Variants in KIF26B observed in about 807,000 individuals in gnomAD.
KIF26B encodes the protein kinesin family member 26B.
A neutral mutation model predicts 151.2 loss-of-function variants in KIF26B; 63 were observed. That is an observed-to-expected ratio of 0.42 (90% CI 0.34 to 0.51). The LOEUF (loss-of-function observed/expected upper bound fraction) is 0.51, where lower values mean the gene tolerates loss of function less well. Among genes scored for constraint, KIF26B ranks in the 20% least tolerant of loss-of-function variants. The probability of loss-of-function intolerance (pLI) is 0.07; values close to 1 mark genes in which losing one functional copy is unlikely to be tolerated. For missense variants in KIF26B, 2,813 were observed against 2,913.6 expected, an observed-to-expected ratio of 0.97 and a Z score of 0.79; for synonymous variants, 1,357 against 1,262.1, an observed-to-expected ratio of 1.08 and a Z score of -1.59.
chr1:245,172,584 C>T (rs1186342564), intron 2 of KIF26B, among the ~76,000 whole-genome samples: 1 of 152,086 alleles, frequency 6.6e-6, no homozygotes, highest in African/African-American at 2.4e-5. Context: ...CCGAGGCGGG[C>T]AGATCACCTG....
chr1:245,622,573 C>G (rs10924258), intron 9 of KIF26B, among the ~76,000 whole-genome samples: 43,166 of 152,116 alleles, frequency 0.28, 7,001 homozygotes, highest in East Asian at 0.5. Context: ...ACGCTCTGCT[C>G]GCTTTTTGTA....
At chr1:245,290,303 G>C (rs918173460) in intron 2 of KIF26B, among the ~76,000 whole-genome samples, 1 of 152,224 alleles carries the variant, frequency 6.6e-6, no homozygotes, top group Admixed American at 6.5e-5. Context: ...CAGACTCCAT[G>C]AGAGGGTTCT....
At chr1:245,508,031 G>C (rs996735760) in intron 4 of KIF26B, among the ~76,000 whole-genome samples, 10 of 152,136 alleles carry the variant, frequency 6.6e-5, no homozygotes, top group African/African-American at 1.9e-4. Context: ...GAAGTTAGTA[G>C]CTGTGTGACC....
intron 5 of KIF26B, among the ~76,000 whole-genome samples, chr1:245,592,480 T>C (rs1036807649): frequency 6.6e-6 from 1 of 152,192 alleles, no homozygotes; most frequent in Non-Finnish European, 1.5e-5. Flanking sequence ...AACAAAGCAG[T>C]TATGGGGCAA....
At chr1:245,240,398 G>A (rs1222382477) in intron 2 of KIF26B, among the ~76,000 whole-genome samples, 1 of 152,104 alleles carries the variant, frequency 6.6e-6, no homozygotes, top group Non-Finnish European at 1.5e-5. Flanking sequence ...TCTGAAAATT[G>A]TAACTTTGGG....
chr1:245,589,237 T>C (rs1406873535), intron 5 of KIF26B, among the ~76,000 whole-genome samples: 1 of 152,022 alleles, frequency 6.6e-6, no homozygotes, highest in Non-Finnish European at 1.5e-5. Flanking sequence ...AGCTGCAGAG[T>C]CCCAGGCTGG....
At chr1:245,623,052 T>C (rs1216300661) in intron 9 of KIF26B, among the ~76,000 whole-genome samples, 1 of 81,224 alleles carries the variant, frequency 1.2e-5, no homozygotes, top group Non-Finnish European at 2.8e-5. Context: ...TTTTTTTTTT[T>C]GTTGTTTTTT....
chr1:245,484,453 C>A (rs1325365645), intron 4 of KIF26B, among the ~76,000 whole-genome samples: 2 of 151,780 alleles, frequency 1.3e-5, no homozygotes, highest in African/African-American at 4.8e-5. Flanking sequence ...TAACCCTGTC[C>A]CTGGACACTG....
In KIF26B at chr1:245,244,756, T is replaced by TCACTCA. The variant is rs1553338155; in HGVS notation, c.465+88076_465+88077insTCACAC. On this transcript the variant is annotated intron_variant, in intron 2 of 14. Transcript: ENST00000407071. The surrounding 1 kb of genome is among the most constrained non-coding windows in gnomAD (Gnocchi z 4.2). ...AGAAGGAACACACAGACACGCACAC[T>TCACTCA]CACACACACACACACACACACACAC... 6.9e-6 allele frequency among the ~76,000 whole-genome samples: 1 copy of TCACTCA among 144,354 alleles called. No individual in the cohort carries two copies. Among genetic ancestry groups the TCACTCA allele is most frequent in the Admixed American group, 7.0e-5 (1 of 14,216 alleles). The allele number at this position is 144,354 out of a possible 152,430, so 94.7% of individuals were successfully genotyped here. A position where few individuals can be genotyped will look rare whatever the true frequency, so the allele number is the denominator to read the frequency against.
intron 2 of KIF26B, among the ~76,000 whole-genome samples, chr1:245,237,038 C>T (rs934005766): frequency 1.4e-4 from 21 of 152,242 alleles, no homozygotes; most frequent in African/African-American, 4.6e-4. Flanking sequence ...AGGCTCACAA[C>T]GTAGCAGAAT....
At chr1:245,659,921 G>A (rs2044116312) in intron 10 of KIF26B, among the ~76,000 whole-genome samples, 1 of 151,078 alleles carries the variant, frequency 6.6e-6, no homozygotes, top group African/African-American at 2.4e-5. Context: ...GGTGGAACAT[G>A]CCTGTAATCT....
chr1:245,172,216 T>TG (rs150694892), intron 2 of KIF26B, among the ~76,000 whole-genome samples: 6,656 of 151,384 alleles, frequency 0.044, 422 homozygotes, highest in African/African-American at 0.14. Flanking sequence ...CCCAGTCTGG[T>TG]GGGGGGGGTG....
At chr1:245,690,741 G>GCGGC (rs534939616) in intron 12 of KIF26B, among the ~76,000 whole-genome samples, 32 of 120,782 alleles carry the variant, frequency 2.6e-4, no homozygotes, top group African/African-American at 1.1e-3. Context: ...TTATTTGCCT[G>GCGGC]GGGGGGGGGT....
At chr1:245,207,143 A>G (rs1669420816) in intron 2 of KIF26B, among the ~76,000 whole-genome samples, 1 of 152,152 alleles carries the variant, frequency 6.6e-6, no homozygotes, top group African/African-American at 2.4e-5. Context: ...ATAGAATAGG[A>G]TGCATGGAAT....
chr1:245,370,670 G>T (rs1044940274), intron 3 of KIF26B: 1 of 454,986 alleles, frequency 2.2e-6, no homozygotes, highest in Admixed American at 2.4e-5. Context: ...GCATGAAACT[G>T]GTGCTTTCCT....
chr1:245,553,516 C>G (rs1435751176), intron 5 of KIF26B, among the ~76,000 whole-genome samples: 5 of 152,176 alleles, frequency 3.3e-5, no homozygotes, highest in African/African-American at 1.2e-4. Context: ...GTGGTTGTCA[C>G]TGTGTTGTTT....
In KIF26B at chr1:245,688,745, ACAG is replaced by A; in HGVS notation, c.5767_5769del (p.Ser1924del). The A allele has an allele frequency of 1.9e-6, 3 of 1,603,648 alleles. No individual in the cohort carries two copies. Among genetic ancestry groups the A allele is most frequent in the Non-Finnish European group, 1.7e-6 (2 of 1,173,838 alleles). ...TCGGCGCAGGACTCCACGAGCGAGAACAGCAGCTCCGTGGGCGGCAGGTGCCGG... is the reference window on the plus strand; with the variant it reads ...TCGGCGCAGGACTCCACGAGCGAGAACAGCTCCGTGGGCGGCAGGTGCCGG... On this transcript the variant is annotated inframe_deletion, in exon 12 of 15. Transcript: ENST00000407071.
chr1:245,477,875 T>C (rs1004252576), intron 4 of KIF26B, among the ~76,000 whole-genome samples: 3 of 151,728 alleles, frequency 2.0e-5, no homozygotes, highest in African/African-American at 7.3e-5. Flanking sequence ...TATACCATAA[T>C]ATTTGCCCCT....
chr1:245,372,294 T>G (rs1673147737), intron 3 of KIF26B, among the ~76,000 whole-genome samples: 1 of 152,152 alleles, frequency 6.6e-6, no homozygotes, highest in South Asian at 2.1e-4. Context: ...CCGCGCCCTA[T>G]TTGTCTGCCA....
Sources: allele counts gnomAD v4.1 joint callset (sites outside exome capture counted in the v4.1 genomes callset), GRCh38; gene constraint gnomAD v4.1.1; non-coding constraint Gnocchi (gnomAD v3.1); transcripts MANE v1.5; gene names NCBI Gene and HGNC (gene_info 2026-07-23, HGNC 2026-07-21).